Variants in C3orf33 observed in about 807,000 individuals in gnomAD.
C3orf33 encodes the protein AP-1 activity suppressor.
C3orf33 carries 23 observed loss-of-function variants against 28.7 expected under a neutral mutation model. The observed-to-expected ratio is 0.80, with a 90% CI of 0.58 to 1.13. C3orf33 has a LOEUF of 1.13. C3orf33 is among the 50% of genes most tolerant of loss of function. The pLI is 0.00. For synonymous variants in C3orf33, 119 were observed against 120.5 expected, an observed-to-expected ratio of 0.99 and a Z score of 0.08; for missense variants, 327 against 353.4, an observed-to-expected ratio of 0.93 and a Z score of 0.60.
chr3:155,794,454 AG>A (rs1751422264), intron 2 of C3orf33, among the ~76,000 whole-genome samples: 1 of 152,168 alleles, frequency 6.6e-6, no homozygotes, highest in Non-Finnish European at 1.5e-5. Flanking sequence ...AGAGGAAGAT[AG>A]GAAGGATGGA....
chr3:155,767,333 T>C (rs533031019), intron 4 of C3orf33, among the ~76,000 whole-genome samples, 176 bp downstream of exon 4: 43 of 152,188 alleles, frequency 2.8e-4, no homozygotes, highest in Non-Finnish European at 5.3e-4. Flanking sequence ...ATATTACATA[T>C]GTAACTAAAA....
intron 2 of C3orf33, among the ~76,000 whole-genome samples, chr3:155,790,061 G>A (rs1751263265): frequency 6.6e-6 from 1 of 151,400 alleles, no homozygotes; most frequent in Admixed American, 6.6e-5. Context: ...CTACTGGGGA[G>A]GCTGAGGCAT....
chr3:155,766,982 G>A (rs944272151), intron 4 of C3orf33, among the ~76,000 whole-genome samples: 3 of 150,864 alleles, frequency 2.0e-5, no homozygotes, highest in Non-Finnish European at 4.4e-5. Flanking sequence ...TAGGCCAGGC[G>A]CAGTGGCTCA....
intron 2 of C3orf33, among the ~76,000 whole-genome samples, chr3:155,797,579 A>G (rs1751516035): frequency 6.6e-6 from 1 of 152,240 alleles, no homozygotes; most frequent in Admixed American, 6.5e-5. Flanking sequence ...CCAAAAGACT[A>G]TTGGAACTGA....
At chr3:155,798,849 G>C (rs34112296) in intron 2 of C3orf33, among the ~76,000 whole-genome samples, 55,752 of 151,926 alleles carry the variant, frequency 0.37, 11,652 homozygotes, top group Middle Eastern at 0.51. Context: ...CAGAACAGGA[G>C]AAAATATGTG....
rs60966459 is a variant in C3orf33 at position 155,772,772 on chromosome 3, C to CTGTGTGTGTGTGTG, written c.322+2915_322+2928dup. Among the ~76,000 whole-genome samples the CTGTGTGTGTGTGTG allele has an allele frequency of 9.0e-4, 128 of 142,222 alleles. 1 individual carries two copies. Among genetic ancestry groups the CTGTGTGTGTGTGTG allele is most frequent in the Non-Finnish European group, 1.4e-3 (89 of 65,830 alleles). 93.3% of individuals were successfully genotyped at this position (142,222 alleles called of 152,430 possible). On this transcript the variant is annotated intron_variant, in intron 3 of 4. Transcript: ENST00000340171. Reference sequence around the variant, plus strand: ...TTTCAGTTCATAAAATTTTTAGGCTCTGTGTGTGTGTGTGTGTGTGTGTGT... The same window carrying CTGTGTGTGTGTGTG: ...TTTCAGTTCATAAAATTTTTAGGCTCTGTGTGTGTGTGTGTGTGTGTGTGTGTGTGTGTGTGTGT...
chr3:155,791,755 G>A (rs1447928212), intron 2 of C3orf33, among the ~76,000 whole-genome samples: 1 of 151,852 alleles, frequency 6.6e-6, no homozygotes, highest in East Asian at 1.9e-4. Flanking sequence ...GTGGAAAGGG[G>A]AGGGAAGAGT....
intron 3 of C3orf33, among the ~76,000 whole-genome samples, chr3:155,773,536 G>T (rs1344495481): frequency 6.6e-6 from 1 of 152,180 alleles, no homozygotes; most frequent in Non-Finnish European, 1.5e-5. Context: ...GAGGAGAAAA[G>T]TGGGAATTTA....
At chr3:155,804,222 C>T (rs928383083) in intron 1 of C3orf33, 2 of 405,462 alleles carry the variant, frequency 4.9e-6, no homozygotes, top group East Asian at 1.8e-4. Context: ...CACAAAGGTA[C>T]ATACTCTGGG....
intron 2 of C3orf33, among the ~76,000 whole-genome samples, chr3:155,794,551 T>G (rs1009616391): frequency 1.1e-4 from 16 of 151,688 alleles, no homozygotes; most frequent in Non-Finnish European, 1.6e-4. Context: ...ATAATAACAA[T>G]GTAAATGAAC....
chr3:155,792,601 A>G (rs2109274575), intron 2 of C3orf33, among the ~76,000 whole-genome samples: 1 of 152,244 alleles, frequency 6.6e-6, no homozygotes, highest in South Asian at 2.1e-4. Flanking sequence ...CAGTGAAAGA[A>G]CTCAGAATCC....
chr3:155,806,259 G>C lies in C3orf33; in HGVS notation c.-7C>G. On this transcript the variant is annotated 5_prime_UTR_variant, in exon 1 of 5. Transcript: ENST00000340171. Reference sequence around the variant, plus strand: ...CCGCGGGCTGCCCCGCCATGTTCCCGGCCTCCTGCGAGCGGCCCTGAGCTC... The same window carrying C: ...CCGCGGGCTGCCCCGCCATGTTCCCCGCCTCCTGCGAGCGGCCCTGAGCTC... 6.8e-7 allele frequency: 1 copy of C among 1,464,508 alleles called. No homozygotes were observed. Among genetic ancestry groups the C allele is most frequent in the East Asian group, 2.8e-5 (1 of 36,224 alleles). 90.7% of individuals were successfully genotyped at this position (1,464,508 alleles called of 1,614,324 possible).
chr3:155,780,984 CTA>C (rs2109263245), intron 2 of C3orf33, among the ~76,000 whole-genome samples: 1 of 150,884 alleles, frequency 6.6e-6, no homozygotes, highest in South Asian at 2.1e-4. Context: ...CAGCCTACCT[CTA>C]GACTTCTTTT....
intron 3 of C3orf33, among the ~76,000 whole-genome samples, chr3:155,773,755 G>A (rs1318205638): frequency 6.6e-6 from 1 of 152,204 alleles, no homozygotes; most frequent in Non-Finnish European, 1.5e-5. Flanking sequence ...CACAGGTGAT[G>A]ATCTGGCTGG....
intron 1 of C3orf33, among the ~76,000 whole-genome samples, chr3:155,805,145 T>G (rs1751770855): frequency 7.9e-6 from 1 of 127,062 alleles, no homozygotes; most frequent in Non-Finnish European, 1.6e-5. Flanking sequence ...CTCCAGAGGC[T>G]TAGTGCTTCA....
intron 2 of C3orf33, among the ~76,000 whole-genome samples, chr3:155,780,802 G>A (rs900185466): frequency 2.0e-5 from 3 of 152,250 alleles, no homozygotes; most frequent in East Asian, 3.9e-4. Flanking sequence ...TGGGAAAAAC[G>A]CTTTCCTGAC....
Position 155,805,696 on chromosome 3 carries a change from G to T in C3orf33, c.114+443C>A, listed in dbSNP as rs1013476889. 3.7e-5 allele frequency: 17 copies of T among 455,696 alleles called. 1 individual carries two copies. The Middle Eastern group carries it at 1.9e-3, about 50-fold the overall frequency. 28.2% of individuals were successfully genotyped at this position (455,696 alleles called of 1,614,324 possible). ...GCTATGATCGTGCCACTGCACTCCA[G>T]CTTGGGCCAGAGAGGAATACCGTGT... On this transcript the variant is annotated intron_variant, in intron 1 of 4. Transcript: ENST00000340171.
intron 2 of C3orf33, among the ~76,000 whole-genome samples, chr3:155,789,069 A>G (rs1245524679): frequency 6.6e-6 from 1 of 152,150 alleles, no homozygotes; most frequent in Non-Finnish European, 1.5e-5. Context: ...TCCATTGGCC[A>G]GGTGTGGTGG....
intron 4 of C3orf33, among the ~76,000 whole-genome samples, chr3:155,764,239 G>C (rs528559793): frequency 3.0e-4 from 46 of 152,296 alleles, no homozygotes; most frequent in African/African-American, 9.9e-4. Flanking sequence ...CTGTGGAGGG[G>C]AAGTGGGACA....
Sources: allele counts gnomAD v4.1 joint callset (sites outside exome capture counted in the v4.1 genomes callset), GRCh38; gene constraint gnomAD v4.1.1; transcripts MANE v1.5; gene names NCBI Gene and HGNC (gene_info 2026-07-23, HGNC 2026-07-21).